The following STIM2 variants were observed in gnomAD, a reference collection of about 807,000 sequenced individuals.
STIM2 encodes the protein stromal interaction molecule 2.
In STIM2, 31 loss-of-function variants were observed where a neutral mutation model predicts 85.8. The ratio of observed to expected loss-of-function variants is 0.36; its 90% CI spans 0.27 to 0.49. The LOEUF (loss-of-function observed/expected upper bound fraction) is 0.49, where lower values mean the gene tolerates loss of function less well. STIM2 is among the 20% of genes least tolerant of loss of function. The pLI, the probability that STIM2 is intolerant of heterozygous loss-of-function variation, is 0.98. For synonymous variants in STIM2, 356 were observed against 331.1 expected (o/e 1.08, Z -0.82); for missense variants, 841 against 927.6 (o/e 0.91, Z 1.21).
chr4:26,980,401 C>T (rs902463652), intron 3 of STIM2, among the ~76,000 whole-genome samples: 1 of 151,852 alleles, frequency 6.6e-6, no homozygotes, highest in African/African-American at 2.4e-5. Context: ...TGGTTTGTCT[C>T]CAACACTGTT....
chr4:27,025,347 T>TAA lies in STIM2; in HGVS notation c.*2351_*2352insAA, dbSNP rs568548689. The TAA allele has an allele frequency of 1.4e-3, 217 of 151,298 alleles. No homozygotes were observed. Among genetic ancestry groups the TAA allele is most frequent in the African/African-American group, 4.9e-3 (203 of 41,328 alleles). 9.4% of individuals were successfully genotyped at this position (151,298 alleles called of 1,614,324 possible). ...CTTTAACATTTTAAAATTATGGTGT[T>TAA]TTCCTGATTTTAAAAGCAATATTTT... is the stretch of plus-strand genomic sequence containing the variant. On this transcript the variant is annotated 3_prime_UTR_variant, in exon 12 of 12. Coordinates refer to ENST00000467087, the MANE Select transcript of STIM2 (RefSeq NM_020860.4).
chr4:26,897,488 C>G (rs1291293476), intron 1 of STIM2, among the ~76,000 whole-genome samples: 1 of 152,054 alleles, frequency 6.6e-6, no homozygotes, highest in Non-Finnish European at 1.5e-5. Flanking sequence ...TGGACATTTT[C>G]AGGTAAATAC....
intron 1 of STIM2, among the ~76,000 whole-genome samples, chr4:26,894,122 C>T (rs920453888): frequency 1.3e-5 from 2 of 152,138 alleles, no homozygotes; most frequent in Non-Finnish European, 2.9e-5. Flanking sequence ...CTCCTGACTT[C>T]GTGATCCACC....
In STIM2 at chr4:26,860,870, A is replaced by G. The variant is rs1392699429; in HGVS notation, c.-349A>G. The G allele has an allele frequency of 6.7e-5, 59 of 882,014 alleles. No individual in the cohort carries two copies. The highest frequency in any genetic ancestry group is 7.9e-5 in the Non-Finnish European group (57 of 722,780). 54.6% of individuals were successfully genotyped at this position (882,014 alleles called of 1,614,324 possible). On this transcript the variant is annotated 5_prime_UTR_variant, in exon 1 of 12. Coordinates refer to ENST00000467087, the MANE Select transcript of STIM2 (RefSeq NM_020860.4). ...CAGCGGATCCCGGTCTCGCCGCAGC[A>G]GCAGCGCGGGTGTCGTGCACCGCCT...
At chr4:26,929,704 A>G (rs1298199729) in intron 2 of STIM2, among the ~76,000 whole-genome samples, 1 of 152,054 alleles carries the variant, frequency 6.6e-6, no homozygotes, top group Non-Finnish European at 1.5e-5. Flanking sequence ...AATTTATTTA[A>G]TATTGAGCTA....
chr4:26,889,594 T>C (rs747963423), intron 1 of STIM2, among the ~76,000 whole-genome samples: 2 of 152,208 alleles, frequency 1.3e-5, no homozygotes, highest in Non-Finnish European at 2.9e-5. Context: ...GATAGTTGGC[T>C]GATCACTCTG....
intron 11 of STIM2, chr4:27,021,294 G>A: frequency 4.4e-6 from 2 of 451,918 alleles, no homozygotes; most frequent in South Asian, 4.4e-5. Context: ...ATCATTTTAG[G>A]TTTTGGTAAG....
At chr4:26,972,574 A>G (rs769053522) in intron 3 of STIM2, among the ~76,000 whole-genome samples, 3 of 152,178 alleles carry the variant, frequency 2.0e-5, no homozygotes, top group African/African-American at 7.2e-5. Context: ...CCAGCCTTAC[A>G]TCTGAGGGAT....
Position 27,022,580 on chromosome 4 carries a change from T to C in STIM2, c.1825T>C (p.Ser609Pro). 6.2e-7 allele frequency: 1 copy of C among 1,611,910 alleles called. No homozygotes were observed. The highest frequency in any genetic ancestry group is 8.5e-7 in the Non-Finnish European group (1 of 1,178,112). The stretch of plus-strand genomic sequence containing the variant: ...AAATTCTTCCATTGGAAGGAAACAG[T>C]CTCCTCCTTTAAGCCTCGAGATATA... Residue 609 changes from serine (S) to proline (P), a missense_variant, in exon 12 of 12, where the codon TCT (serine) becomes CCT (proline). This residue lies in a region of STIM2 where 293 missense variants were observed against 284.5 expected (regional missense o/e 1.03). Coordinates refer to ENST00000467087, the MANE Select transcript of STIM2 (RefSeq NM_020860.4).
intron 1 of STIM2, among the ~76,000 whole-genome samples, chr4:26,879,376 TAGA>T (rs559335156): frequency 3.0e-4 from 46 of 152,264 alleles, no homozygotes; most frequent in African/African-American, 1.1e-3. Flanking sequence ...CATAGTTTTG[TAGA>T]AGGATTATGG....
intron 2 of STIM2, among the ~76,000 whole-genome samples, chr4:26,956,597 A>G (rs1471539696): frequency 2.0e-5 from 3 of 152,092 alleles, no homozygotes; most frequent in Non-Finnish European, 2.9e-5. Flanking sequence ...TAAGATTAAT[A>G]GAAGGTATAC....
In STIM2 at chr4:26,861,323, C is replaced by T; in HGVS notation, c.105C>T (p.Ala35=). The T allele has an allele frequency of 1.4e-6, 2 of 1,396,776 alleles. No individual in the cohort carries two copies. Among genetic ancestry groups the T allele is most frequent in the Non-Finnish European group, 1.9e-6 (2 of 1,079,828 alleles). The allele number at this position is 1,396,776 out of a possible 1,614,324, so 86.5% of individuals were successfully genotyped here. A position where few individuals can be genotyped will look rare whatever the true frequency, so the allele number is the denominator to read the frequency against. ...CGACTGGCTCTGCCGCAACTGCCGC[C>T]TCCTCTCCCGCCGCGGCGGCCGGCG... The change falls in exon 1 of 12, where the codon GCC becomes GCT. Residue 35 remains alanine (A), a synonymous_variant. Transcript: ENST00000467087.
At chr4:26,979,744 G>C (rs998930958) in intron 3 of STIM2, among the ~76,000 whole-genome samples, 9 of 152,070 alleles carry the variant, frequency 5.9e-5, no homozygotes, top group African/African-American at 2.2e-4. Flanking sequence ...AGTAGTTATT[G>C]GTAATAATTT....
chr4:26,891,712 G>A (rs142832261), intron 1 of STIM2, among the ~76,000 whole-genome samples: 1 of 152,004 alleles, frequency 6.6e-6, no homozygotes. Context: ...ATACAAAGAG[G>A]CCTACTAGAC....
At chr4:27,013,483 T>A (rs554165802) in intron 10 of STIM2, among the ~76,000 whole-genome samples, 2 of 151,996 alleles carry the variant, frequency 1.3e-5, no homozygotes, top group African/African-American at 2.4e-5. Flanking sequence ...TAAGGGGGAA[T>A]ACTATACTCC....
At chr4:26,959,052 C>T (rs1726353896) in intron 3 of STIM2, among the ~76,000 whole-genome samples, 1 of 152,166 alleles carries the variant, frequency 6.6e-6, no homozygotes, top group Admixed American at 6.5e-5. Context: ...CCTAATTCAT[C>T]TCCCTGTGTT....
chr4:26,914,718 C>G (rs1399658715), intron 1 of STIM2, among the ~76,000 whole-genome samples: 2 of 152,048 alleles, frequency 1.3e-5, no homozygotes, highest in Non-Finnish European at 2.9e-5. Flanking sequence ...AATGCATGTT[C>G]CCAATCAAGT....
chr4:26,872,019 T>A (rs1412397192), intron 1 of STIM2, among the ~76,000 whole-genome samples: 1 of 152,234 alleles, frequency 6.6e-6, no homozygotes, highest in Admixed American at 6.5e-5. Context: ...TGAATTACTC[T>A]GTGTGTGCTT....
At chr4:26,940,149 G>C (rs1039159075) in intron 2 of STIM2, among the ~76,000 whole-genome samples, 1 of 152,206 alleles carries the variant, frequency 6.6e-6, no homozygotes, top group African/African-American at 2.4e-5. Context: ...GGTTTACTCA[G>C]TAGCAAATCA....
Sources: gnomAD v4.1 joint callset for allele counts (sites outside exome capture counted in the v4.1 genomes callset) on GRCh38, gnomAD v4.1.1 for gene constraint, gnomAD v4.1.1 regional missense constraint, MANE v1.5 for transcripts, NCBI Gene and HGNC (gene_info 2026-07-23, HGNC 2026-07-21) for gene names.